Variants in PRELID2 observed in about 807,000 individuals in gnomAD.
The protein encoded by PRELID2 is PRELI domain-containing protein 2.
In PRELID2, 25 loss-of-function variants were observed where a neutral mutation model predicts 28.4. The ratio of observed to expected loss-of-function variants is 0.88; its 90% CI spans 0.64 to 1.23. PRELID2 has a LOEUF of 1.23. Among genes scored for constraint, PRELID2 ranks in the 50% most tolerant of loss-of-function variants. The pLI, the probability that PRELID2 is intolerant of heterozygous loss-of-function variation, is 0.00. For missense variants in PRELID2, 201 were observed against 214.4 expected (o/e 0.94, Z 0.39); for synonymous variants, 76 against 71.6 (o/e 1.06, Z -0.31).
chr5:145,340,334 G>A, the PRELID2 span, among the ~76,000 whole-genome samples: 1 of 152,104 alleles, frequency 6.6e-6, no homozygotes, highest in African/African-American at 2.4e-5. Context: ...TGGACTGCAT[G>A]GGTTCCGGTA....
the PRELID2 span, among the ~76,000 whole-genome samples, chr5:145,366,224 G>T: frequency 6.6e-6 from 1 of 151,782 alleles, no homozygotes; most frequent in Non-Finnish European, 1.5e-5. Flanking sequence ...GTTTATTCTT[G>T]TTTTCAAGCA....
intron 1 of PRELID2, among the ~76,000 whole-genome samples, chr5:145,535,378 C>T (rs942702520): frequency 2.6e-5 from 4 of 151,828 alleles, no homozygotes; most frequent in Non-Finnish European, 5.9e-5. Flanking sequence ...CACAGTGAGA[C>T]TTGAGCCCAC....
At chr5:145,725,706 G>A (rs551262932) in intron 1 of PRELID2, among the ~76,000 whole-genome samples, 2 of 152,244 alleles carry the variant, frequency 1.3e-5, no homozygotes, top group Admixed American at 6.5e-5. Flanking sequence ...CTTTCCAAGG[G>A]TAGGCTTTTC....
chr5:145,387,502 C>T, the PRELID2 span, among the ~76,000 whole-genome samples: 1 of 152,146 alleles, frequency 6.6e-6, no homozygotes, highest in Non-Finnish European at 1.5e-5. Flanking sequence ...TGTTCACATT[C>T]TGTTTCCTTA....
chr5:145,487,338 G>C (rs1752227511), intron 1 of PRELID2, among the ~76,000 whole-genome samples: 1 of 152,094 alleles, frequency 6.6e-6, no homozygotes, highest in Admixed American at 6.5e-5. Context: ...ATTCGGGAGA[G>C]TTATGAAGTG....
intron 1 of PRELID2, among the ~76,000 whole-genome samples, chr5:145,724,721 A>C (rs1469654002): frequency 7.3e-6 from 1 of 136,756 alleles, no homozygotes; most frequent in Admixed American, 8.1e-5. Flanking sequence ...TATTACATAT[A>C]TAATATATAT....
chr5:145,546,030 A>C (rs1752785216), intron 1 of PRELID2, among the ~76,000 whole-genome samples: 1 of 152,174 alleles, frequency 6.6e-6, no homozygotes, highest in African/African-American at 2.4e-5. Context: ...AGTGTTTCTC[A>C]AAATATGGTC....
chr5:145,608,999 T>C (rs1561518479), intron 1 of PRELID2, among the ~76,000 whole-genome samples: 1 of 152,224 alleles, frequency 6.6e-6, no homozygotes, highest in Non-Finnish European at 1.5e-5. Context: ...GGAGTTATTT[T>C]GGAGAACTGA....
Position 145,617,795 on chromosome 5 carries a change from G to A in PRELID2, n.71-144480C>T, listed in dbSNP as rs10052169. 1.5e-3 allele frequency among the ~76,000 whole-genome samples: 232 copies of A among 150,666 alleles called. 2 individuals are homozygous for A. Among genetic ancestry groups the A allele is most frequent in the African/African-American group, 5.5e-3 (224 of 40,946 alleles). Reference sequence around the variant, plus strand: ...ATTGCCCAGGCTGGAGTGAAATGGCGCTATCTTTGCTCACTGCAACCTCCA... The same window carrying A: ...ATTGCCCAGGCTGGAGTGAAATGGCACTATCTTTGCTCACTGCAACCTCCA... On this transcript the variant is annotated intron_variant and non_coding_transcript_variant, in intron 1 of 2. Coordinates refer to the PRELID2 transcript ENST00000510259.
At chr5:145,280,344 C>A in the PRELID2 span, among the ~76,000 whole-genome samples, 2 of 152,226 alleles carry the variant, frequency 1.3e-5, no homozygotes, top group Middle Eastern at 3.4e-3. Context: ...AAAACTGCAA[C>A]TGGAAATAAT....
chr5:145,675,477 A>G (rs1014036971), intron 1 of PRELID2, among the ~76,000 whole-genome samples: 1 of 152,236 alleles, frequency 6.6e-6, no homozygotes, highest in Non-Finnish European at 1.5e-5. Flanking sequence ...TATCTAGCAA[A>G]ACTAATAAGC....
the PRELID2 span, among the ~76,000 whole-genome samples, chr5:145,268,377 C>A: frequency 3.3e-5 from 5 of 152,118 alleles, no homozygotes; most frequent in Non-Finnish European, 5.9e-5. Context: ...CTTTTCCCAG[C>A]ACCATTTATT....
downstream of PRELID2, among the ~76,000 whole-genome samples, chr5:145,470,339 C>G (rs1752042654): frequency 6.6e-6 from 1 of 152,126 alleles, no homozygotes; most frequent in Non-Finnish European, 1.5e-5. Flanking sequence ...GTTTTTCAAA[C>G]TCATGCTAAC....
intron 1 of PRELID2, chr5:145,728,891 T>C (rs184530208): frequency 6.5e-5 from 58 of 889,234 alleles, no homozygotes; most frequent in African/African-American, 6.0e-4. Context: ...TCTGCAGAGG[T>C]CCAAAGCTTT....
At chr5:145,279,230 A>G in the PRELID2 span, among the ~76,000 whole-genome samples, 1 of 152,144 alleles carries the variant, frequency 6.6e-6, no homozygotes, top group African/African-American at 2.4e-5. Context: ...GCATCAACCT[A>G]ATAAATTCTT....
intron 1 of PRELID2, among the ~76,000 whole-genome samples, chr5:145,722,385 C>T (rs902946170): frequency 1.3e-5 from 2 of 152,194 alleles, no homozygotes; most frequent in South Asian, 2.1e-4. Flanking sequence ...CTGCAACCTC[C>T]GCCTCACAGG....
the PRELID2 span, among the ~76,000 whole-genome samples, chr5:145,255,360 G>T: frequency 1.6e-4 from 24 of 151,688 alleles, no homozygotes; most frequent in Non-Finnish European, 3.4e-4. Flanking sequence ...ATAGTAAAAA[G>T]AAATAAAACT....
chr5:145,284,370 A>G, the PRELID2 span, among the ~76,000 whole-genome samples: 2 of 152,202 alleles, frequency 1.3e-5, no homozygotes, highest in African/African-American at 4.8e-5. Context: ...CATAATAAGC[A>G]AACCTCAAAA....
At chr5:145,404,486 A>C in the PRELID2 span, among the ~76,000 whole-genome samples, 1 of 152,202 alleles carries the variant, frequency 6.6e-6, no homozygotes, top group Non-Finnish European at 1.5e-5. Context: ...GTGAACACCA[A>C]GGTGAAGGAA....
Sources: gnomAD v4.1 joint callset for allele counts (sites outside exome capture counted in the v4.1 genomes callset) on GRCh38, gnomAD v4.1.1 for gene constraint, MANE v1.5 for transcripts, NCBI Gene and HGNC (gene_info 2026-07-23, HGNC 2026-07-21) for gene names.